XKR9: variants seen among roughly 807,000 people sequenced by gnomAD.
XKR9 encodes the protein XK related 9.
A neutral mutation model predicts 32.0 loss-of-function variants in XKR9; 32 were observed. The ratio of observed to expected loss-of-function variants is 1.00; its 90% CI spans 0.76 to 1.34. The LOEUF (loss-of-function observed/expected upper bound fraction) is 1.34, where lower values mean the gene tolerates loss of function less well. Ranked by LOEUF, XKR9 falls within the 40% of genes most tolerant of loss-of-function variation. The pLI is 0.00. For missense variants in XKR9, 546 were observed against 429.7 expected (o/e 1.27, Z -2.39); for synonymous variants, 168 against 143.4 (o/e 1.17, Z -1.22).
At chr8:70,812,345 G>T in the XKR9 span, among the ~76,000 whole-genome samples, 3 of 152,252 alleles carry the variant, frequency 2.0e-5, no homozygotes, top group South Asian at 2.1e-4. Flanking sequence ...AGACTGAATG[G>T]GCAAAAACTG....
At chr8:70,898,633 T>C in the XKR9 span, among the ~76,000 whole-genome samples, 1 of 152,246 alleles carries the variant, frequency 6.6e-6, no homozygotes, top group Admixed American at 6.5e-5. Context: ...GGAATTTTCC[T>C]GATATATTTC....
the XKR9 span, among the ~76,000 whole-genome samples, chr8:70,942,398 C>T: frequency 7.0e-3 from 1,065 of 152,178 alleles, 12 homozygotes; most frequent in African/African-American, 0.024. Flanking sequence ...TGATGTTTTA[C>T]GGTAGCCTTG....
the XKR9 span, among the ~76,000 whole-genome samples, chr8:70,946,947 G>A: frequency 6.6e-6 from 1 of 152,162 alleles, no homozygotes; most frequent in Non-Finnish European, 1.5e-5. Flanking sequence ...GCCGAAAGAA[G>A]TGTATAATTG....
chr8:71,012,767 G>A, the XKR9 span, among the ~76,000 whole-genome samples: 1 of 152,160 alleles, frequency 6.6e-6, no homozygotes, highest in African/African-American at 2.4e-5. Context: ...GAGAAGCTAA[G>A]CAACTTTCCC....
intron 2 of XKR9, among the ~76,000 whole-genome samples, chr8:70,767,464 TTCTG>T (rs1304194638): frequency 1.3e-5 from 2 of 151,700 alleles, no homozygotes; most frequent in African/African-American, 4.8e-5. Context: ...ATCATTTTTA[TTCTG>T]TCTATTTGAT....
chr8:71,052,692 G>A, the XKR9 span, among the ~76,000 whole-genome samples: 5 of 152,202 alleles, frequency 3.3e-5, no homozygotes, highest in Non-Finnish European at 7.3e-5. Context: ...GCATAGTGCT[G>A]GCTGGGTGCC....
At chr8:70,867,701 C>A in the XKR9 span, among the ~76,000 whole-genome samples, 1 of 152,192 alleles carries the variant, frequency 6.6e-6, no homozygotes, top group Admixed American at 6.5e-5. Flanking sequence ...ATCCACCCAC[C>A]TTGGCCTTCC....
At chr8:70,676,152 G>A (rs919876993) in intron 2 of XKR9, among the ~76,000 whole-genome samples, 32 of 152,274 alleles carry the variant, frequency 2.1e-4, no homozygotes, top group African/African-American at 7.0e-4. Context: ...GGAAGCACGT[G>A]TCTCACGTGG....
At chr8:70,776,350 A>C (rs779026718) in intron 2 of XKR9, among the ~76,000 whole-genome samples, 1 of 152,148 alleles carries the variant, frequency 6.6e-6, no homozygotes, top group Non-Finnish European at 1.5e-5. Flanking sequence ...TTTTCACTTA[A>C]AAATTTAAAT....
At chr8:70,892,966 C>T in the XKR9 span, among the ~76,000 whole-genome samples, 17 of 152,046 alleles carry the variant, frequency 1.1e-4, no homozygotes, top group Non-Finnish European at 2.1e-4. Flanking sequence ...CTGGAACTCC[C>T]GTAATACCAA....
downstream of XKR9, among the ~76,000 whole-genome samples, chr8:70,738,948 T>A (rs1186649929): frequency 6.6e-6 from 1 of 152,204 alleles, no homozygotes; most frequent in East Asian, 1.9e-4. Context: ...TATATTCTGT[T>A]GATTTGGGGT....
At chr8:70,780,453 C>T (rs62508771) in intron 2 of XKR9, among the ~76,000 whole-genome samples, 61,369 of 151,896 alleles carry the variant, frequency 0.4, 13,938 homozygotes, top group Non-Finnish European at 0.52. Flanking sequence ...GTTCAAAATA[C>T]TTTCTAAGTT....
chr8:70,696,271 G>GA (rs1222136479), intron 3 of XKR9, among the ~76,000 whole-genome samples: 1 of 152,176 alleles, frequency 6.6e-6, no homozygotes, highest in East Asian at 1.9e-4. Context: ...CCTATGTCCT[G>GA]AATGGTAATG....
At chr8:70,705,368 C>T (rs77289979) in intron 3 of XKR9, among the ~76,000 whole-genome samples, 25 of 151,792 alleles carry the variant, frequency 1.6e-4, no homozygotes, top group Non-Finnish European at 3.4e-4. Context: ...ATAAGTACTT[C>T]GAAGAAAAAT....
chr8:70,836,343 C>G, the XKR9 span, among the ~76,000 whole-genome samples: 1 of 152,044 alleles, frequency 6.6e-6, no homozygotes, highest in African/African-American at 2.4e-5. Flanking sequence ...AGGGTTCCCC[C>G]ATGTCCTTGC....
the XKR9 span, among the ~76,000 whole-genome samples, chr8:70,795,806 C>T: frequency 6.6e-6 from 1 of 151,586 alleles, no homozygotes; most frequent in African/African-American, 2.4e-5. Context: ...CTGTTCATGC[C>T]CTTTGCCCAC....
the XKR9 span, among the ~76,000 whole-genome samples, chr8:71,054,699 A>G: frequency 6.6e-6 from 1 of 152,208 alleles, no homozygotes; most frequent in Non-Finnish European, 1.5e-5. Flanking sequence ...AACTAGTGAC[A>G]TAAGTGCCCA....
the XKR9 span, among the ~76,000 whole-genome samples, chr8:71,050,736 A>C: frequency 6.6e-6 from 1 of 152,142 alleles, no homozygotes; most frequent in African/African-American, 2.4e-5. Flanking sequence ...GCATGGATGG[A>C]CCTCAAAGCG....
chr8:71,032,281 CAAAAA>C, the XKR9 span, among the ~76,000 whole-genome samples: 3 of 73,226 alleles, frequency 4.1e-5, no homozygotes, highest in East Asian at 1.1e-3. Context: ...GAGACTCTGT[CAAAAA>C]AAAAAAAAAA....
Sources: allele counts gnomAD v4.1 joint callset (sites outside exome capture counted in the v4.1 genomes callset), GRCh38; gene constraint gnomAD v4.1.1; transcripts MANE v1.5; gene names NCBI Gene and HGNC (gene_info 2026-07-23, HGNC 2026-07-21).